RAB22A: variants seen among roughly 807,000 people sequenced by gnomAD.
The protein encoded by RAB22A is RAB22A, member RAS oncogene family, also known as ras-related protein Rab-22A.
In RAB22A, 13 loss-of-function variants were observed where a neutral mutation model predicts 30.2. The ratio of observed to expected loss-of-function variants is 0.43; its 90% CI spans 0.28 to 0.68. The LOEUF (loss-of-function observed/expected upper bound fraction) is 0.68, where lower values mean the gene tolerates loss of function less well. Ranked by LOEUF, RAB22A falls within the 30% of genes least tolerant of loss-of-function variation. The probability of loss-of-function intolerance (pLI) is 0.18; values close to 1 mark genes in which losing one functional copy is unlikely to be tolerated. For synonymous variants in RAB22A, 89 were observed against 87.2 expected, an observed-to-expected ratio of 1.02 and a Z score of -0.11; for missense variants, 177 against 246.8, an observed-to-expected ratio of 0.72 and a Z score of 1.89.
chr20:58,318,004 C>T (rs1160404461), intron 2 of RAB22A, among the ~76,000 whole-genome samples: 7 of 152,078 alleles, frequency 4.6e-5, no homozygotes, highest in South Asian at 2.1e-4. Flanking sequence ...AACAATAGCA[C>T]GAGCAGTACG....
chr20:58,354,101 G>T (rs1380499570), intron 5 of RAB22A, 55 bp from the exon 6 acceptor site: 3 of 1,309,534 alleles, frequency 2.3e-6, no homozygotes, highest in African/African-American at 1.5e-5. Context: ...GTAGGTGGGG[G>T]TACAACTAAG....
intron 2 of RAB22A, among the ~76,000 whole-genome samples, chr20:58,317,088 C>A (rs951182810): frequency 2.5e-4 from 38 of 152,092 alleles, no homozygotes; most frequent in African/African-American, 7.5e-4. Flanking sequence ...TAACCCTGGG[C>A]AGTTTATTTT....
At chr20:58,317,453 T>C (rs748525901) in intron 2 of RAB22A, among the ~76,000 whole-genome samples, 1 of 152,056 alleles carries the variant, frequency 6.6e-6, no homozygotes, top group South Asian at 2.1e-4. Flanking sequence ...AGGATAATGA[T>C]AGGACCAGCT....
At chr20:58,328,786 C>T (rs1986611446) in intron 2 of RAB22A, among the ~76,000 whole-genome samples, 1 of 152,048 alleles carries the variant, frequency 6.6e-6, no homozygotes, top group African/African-American at 2.4e-5. Flanking sequence ...AGAATACCTA[C>T]CTGCTTGGCC....
intron 6 of RAB22A, among the ~76,000 whole-genome samples, chr20:58,359,175 A>G (rs552060776): frequency 6.6e-6 from 1 of 152,336 alleles, no homozygotes; most frequent in Non-Finnish European, 1.5e-5. Flanking sequence ...TTTTTAAAAA[A>G]CAAATCCTAT....
rs183599883 is a variant in RAB22A, at chr20:58,337,872, A to G, written c.117-5846A>G. ...CAGTAGAGGGATTCAGTTGGGTCAC[A>G]TGTGAAATCATTAGAAGAGTGTCTA... is the stretch of plus-strand genomic sequence containing the variant. On this transcript the variant is annotated intron_variant, in intron 2 of 6. Transcript: ENST00000244040. Among the ~76,000 whole-genome samples the G allele has an allele frequency of 1.5e-3, 227 of 152,296 alleles. 1 individual carries two copies. Among genetic ancestry groups the G allele is most frequent in the Middle Eastern group, 0.01 (3 of 294 alleles).
chr20:58,316,206 G>A (rs115145149), intron 2 of RAB22A, among the ~76,000 whole-genome samples: 45 of 152,292 alleles, frequency 3.0e-4, no homozygotes, highest in African/African-American at 1.1e-3. Context: ...GATGGACCAG[G>A]TAGAAACACT....
At chr20:58,356,769 A>G (rs1987135802) in intron 6 of RAB22A, among the ~76,000 whole-genome samples, 1 of 152,138 alleles carries the variant, frequency 6.6e-6, no homozygotes, top group Non-Finnish European at 1.5e-5. Flanking sequence ...TTCATTCTGC[A>G]TTACATTTTT....
chr20:58,354,434 A>T (rs1196899164), intron 6 of RAB22A, among the ~76,000 whole-genome samples, 169 bp downstream of exon 6: 18 of 152,186 alleles, frequency 1.2e-4, no homozygotes, highest in Admixed American at 1.2e-3. Flanking sequence ...ATATCATGTT[A>T]TAGTTGCTGA....
chr20:58,331,960 C>G (rs1219850198), intron 2 of RAB22A, among the ~76,000 whole-genome samples: 2 of 152,296 alleles, frequency 1.3e-5, no homozygotes, highest in African/African-American at 4.8e-5. Context: ...TTCTGCCTTG[C>G]CATAAGGGAG....
intron 2 of RAB22A, among the ~76,000 whole-genome samples, chr20:58,319,504 C>A (rs148667370): frequency 1.3e-5 from 2 of 152,230 alleles, no homozygotes; most frequent in African/African-American, 4.8e-5. Context: ...TCATCTAATT[C>A]TATTCTTGTT....
chr20:58,332,716 A>T (rs1986683261), intron 2 of RAB22A, among the ~76,000 whole-genome samples: 1 of 152,024 alleles, frequency 6.6e-6, no homozygotes, highest in Non-Finnish European at 1.5e-5. Flanking sequence ...AGCTTTCCAC[A>T]ATTGATGGAA....
chr20:58,320,742 A>G (rs1182301706), intron 2 of RAB22A, among the ~76,000 whole-genome samples: 1 of 152,178 alleles, frequency 6.6e-6, no homozygotes, highest in Non-Finnish European at 1.5e-5. Context: ...GAAATTTTTC[A>G]AGTATCGATT....
rs1987275058 is a variant in RAB22A at position 58,364,103 on chromosome 20, AG to A, written c.*4401del. 1.3e-5 allele frequency: 2 copies of A among 152,774 alleles called. No homozygotes were observed. Among genetic ancestry groups the A allele is most frequent in the South Asian group, 4.1e-4 (2 of 4,830 alleles). 9.5% of individuals were successfully genotyped at this position (152,774 alleles called of 1,614,324 possible). A position where few individuals can be genotyped will look rare whatever the true frequency, so the allele number is the denominator to read the frequency against. The stretch of plus-strand genomic sequence containing the variant: ...AATGAAAGTCTAAAAAATATGAGGA[AG>A]ATATTACATTTTTCAGGAGCCTCCA... On this transcript the variant is annotated 3_prime_UTR_variant, in exon 7 of 7. Transcript: ENST00000244040.
intron 3 of RAB22A, among the ~76,000 whole-genome samples, chr20:58,344,243 A>ACACAGTG (rs1262210377): frequency 1.3e-5 from 2 of 152,360 alleles, no homozygotes; most frequent in East Asian, 3.9e-4. Context: ...GGATAAGCTA[A>ACACAGTG]CACAGTGCCT....
chr20:58,354,664 A>G (rs910075724), intron 6 of RAB22A, among the ~76,000 whole-genome samples: 1 of 152,230 alleles, frequency 6.6e-6, no homozygotes, highest in Non-Finnish European at 1.5e-5. Flanking sequence ...GTGAAAGGTA[A>G]GACCTGTTTT....
At chr20:58,325,231 C>G (rs1986546550) in intron 2 of RAB22A, among the ~76,000 whole-genome samples, 1 of 151,042 alleles carries the variant, frequency 6.6e-6, no homozygotes, top group South Asian at 2.1e-4. Flanking sequence ...GTAATCCCAG[C>G]ACTTTGGAAG....
chr20:58,329,290 T>C (rs1256025914), intron 2 of RAB22A, among the ~76,000 whole-genome samples: 1 of 152,150 alleles, frequency 6.6e-6, no homozygotes, highest in Non-Finnish European at 1.5e-5. Flanking sequence ...CCTGACCTCG[T>C]GATCTGCCTG....
intron 2 of RAB22A, among the ~76,000 whole-genome samples, chr20:58,342,106 C>T (rs1986864731): frequency 6.6e-6 from 1 of 152,206 alleles, no homozygotes; most frequent in South Asian, 2.1e-4. Context: ...ATTTAATCTT[C>T]ACAATAAACA....
Sources: allele counts gnomAD v4.1 joint callset (sites outside exome capture counted in the v4.1 genomes callset), GRCh38; gene constraint gnomAD v4.1.1; transcripts MANE v1.5; gene names NCBI Gene and HGNC (gene_info 2026-07-23, HGNC 2026-07-21).